KIF1B: variants seen among roughly 807,000 people sequenced by gnomAD.
KIF1B encodes the protein kinesin family member 1B.
Under a neutral mutation model 241.9 loss-of-function variants are expected in KIF1B, and 76 were observed. The observed-to-expected ratio is 0.31, with a 90% CI of 0.26 to 0.38. KIF1B has a LOEUF of 0.38. Ranked by LOEUF, KIF1B falls within the 10% of genes least tolerant of loss-of-function variation. The pLI, the probability that KIF1B is intolerant of heterozygous loss-of-function variation, is 1.00. For missense variants in KIF1B, 1,622 were observed against 2,271.4 expected, an observed-to-expected ratio of 0.71 and a Z score of 5.81; for synonymous variants, 750 against 796.7, an observed-to-expected ratio of 0.94 and a Z score of 0.99.
rs184562782 is a variant in KIF1B at position 10,258,474 on chromosome 1, C to T, written c.184-19C>T. Reference sequence around the variant, plus strand: ...AATATTAATAAAAGGTTATTTATTTCTCCTTTTACTCTTTACAGCCCGAAG... The same window carrying T: ...AATATTAATAAAAGGTTATTTATTTTTCCTTTTACTCTTTACAGCCCGAAG... On this transcript the variant is annotated intron_variant, in intron 3 of 48. Coordinates refer to ENST00000676179, the MANE Select transcript of KIF1B (RefSeq NM_001365951.3). The T allele has an allele frequency of 5.2e-4, 837 of 1,608,156 alleles. 1 individual carries two copies. The highest frequency in any genetic ancestry group is 4.3e-4 in the Non-Finnish European group (511 of 1,174,786).
chr1:10,256,350 C>G, intron 3 of KIF1B, 27 bp downstream of exon 3: 1 of 1,416,718 alleles, frequency 7.1e-7, no homozygotes, highest in South Asian at 1.1e-5. Flanking sequence ...CACAGCACTG[C>G]CAGCTCCTGC....
rs760273189 is a variant in KIF1B, at chr1:10,303,989, A to T, written c.2115+6743A>T. 1.2e-6 allele frequency: 2 copies of T among 1,612,256 alleles called. No individual in the cohort carries two copies. Among genetic ancestry groups the T allele is most frequent in the East Asian group, 4.5e-5 (2 of 44,852 alleles). On this transcript the variant is annotated intron_variant, in intron 22 of 48. Coordinates refer to ENST00000676179, the MANE Select transcript of KIF1B (RefSeq NM_001365951.3). The surrounding 1 kb of genome is among the most constrained non-coding windows in gnomAD (Gnocchi z 5.2). ...ATTCGGTTTAAGAACTTGCAACAGC[A>T]GGAGATAACAAAGCAGCTTCGTCGG...
chr1:10,311,312 T>A (rs906881628), intron 22 of KIF1B, among the ~76,000 whole-genome samples: 1 of 150,680 alleles, frequency 6.6e-6, no homozygotes. Flanking sequence ...CCTTCCGGGT[T>A]CAAGTAATTC....
chr1:10,238,959 G>T (rs1647096309), intron 2 of KIF1B, among the ~76,000 whole-genome samples: 1 of 151,680 alleles, frequency 6.6e-6, no homozygotes, highest in Non-Finnish European at 1.5e-5. Context: ...TTTGTTTTTG[G>T]TTTTTTTGAG....
At chr1:10,243,546 G>A (rs866860181) in intron 2 of KIF1B, among the ~76,000 whole-genome samples, 1 of 152,158 alleles carries the variant, frequency 6.6e-6, no homozygotes, top group African/African-American at 2.4e-5. Flanking sequence ...ATAATTATAT[G>A]GCAGGTACTC....
intron 3 of KIF1B, 130 bp from the exon 4 acceptor site, chr1:10,258,363 G>C (rs181145126): frequency 2.3e-6 from 2 of 867,874 alleles, no homozygotes; most frequent in East Asian, 5.3e-5. Context: ...TGTATAGGAG[G>C]CTTAAAAAAT....
intron 41 of KIF1B, among the ~76,000 whole-genome samples, 172 bp downstream of exon 41, chr1:10,363,516 GC>G (rs1200291784): frequency 6.6e-6 from 1 of 151,990 alleles, no homozygotes; most frequent in African/African-American, 2.4e-5. Flanking sequence ...ACATGGTGAA[GC>G]CCCCCTTTCT....
intron 3 of KIF1B, among the ~76,000 whole-genome samples, chr1:10,257,864 A>G (rs1019697327): frequency 6.6e-6 from 1 of 151,662 alleles, no homozygotes; most frequent in Non-Finnish European, 1.5e-5. Context: ...TTTAGTAGAG[A>G]TGGGGTTTCG....
At chr1:10,259,199 T>G (rs1181659721) in intron 4 of KIF1B, among the ~76,000 whole-genome samples, 1 of 152,068 alleles carries the variant, frequency 6.6e-6, no homozygotes, top group African/African-American at 2.4e-5. Context: ...GTTTGATCCT[T>G]TATTGTTTGG....
At chr1:10,368,107 C>T (rs75541401) in intron 43 of KIF1B, among the ~76,000 whole-genome samples, 3 of 152,054 alleles carry the variant, frequency 2.0e-5, no homozygotes, top group African/African-American at 4.8e-5. Flanking sequence ...CTTTATTAGA[C>T]ATACATAGAA....
chr1:10,365,965 T>C lies in KIF1B; in HGVS notation c.4752+317T>C, dbSNP rs1259398553. Among the ~76,000 whole-genome samples, 1 of 152,152 alleles carries C rather than the reference T, an allele frequency of 6.6e-6. No homozygotes were observed. Among genetic ancestry groups the C allele is most frequent in the African/African-American group, 2.4e-5 (1 of 41,424 alleles). ...CAAAAATTAGGCCAGGCATGGTGGC[T>C]CACACCTGTAATCCCAGCACTTTGC... On this transcript the variant is annotated intron_variant, in intron 43 of 48. Transcript: ENST00000676179. This position sits in a 1 kb window ranked among gnomAD's most constrained non-coding sequence, Gnocchi z 4.0.
rs753016667 is a variant in KIF1B, at chr1:10,295,118, A to G, written c.1623A>G (p.Pro541=). 3.2e-5 allele frequency: 51 copies of G among 1,609,132 alleles called. No individual in the cohort carries two copies. The East Asian group carries it at 1.1e-3, about 34-fold the overall frequency. The part of the protein sequence containing the change: ...TPHLVNLNED[P]LMSECLLYYI... ...ATCTTGTTAACCTCAATGAAGACCC[A>G]CTAATGTCTGAGTGCCTACTTTATT... The change falls in exon 18 of 49, where the codon CCA becomes CCG. Residue 541 remains proline, a synonymous_variant. Coordinates refer to ENST00000676179, the MANE Select transcript of KIF1B (RefSeq NM_001365951.3).
At chr1:10,368,169 C>T (rs574132140) in intron 43 of KIF1B, among the ~76,000 whole-genome samples, 5 of 152,188 alleles carry the variant, frequency 3.3e-5, no homozygotes, top group Admixed American at 1.3e-4. Context: ...TGGGCAACAT[C>T]GGAGCTGCAC....
At position 10,337,920 on chromosome 1, in the gene KIF1B, C is replaced by T. The variant is rs550592922; in HGVS notation, c.3422+387C>T. Among the ~76,000 whole-genome samples the T allele has an allele frequency of 5.3e-5, 8 of 152,136 alleles. No homozygotes were observed. The highest frequency in any genetic ancestry group is 3.9e-4 in the East Asian group (2 of 5,174). On this transcript the variant is annotated intron_variant, in intron 31 of 48. Coordinates refer to ENST00000676179, the MANE Select transcript of KIF1B (RefSeq NM_001365951.3). The surrounding 1 kb of genome is among the most constrained non-coding windows in gnomAD (Gnocchi z 4.0). ...CTAGCAATTACGCCTATTTAATACTCGGGAAAAGGAAAATTTAAACAATGT... is the reference window on the plus strand; with the variant it reads ...CTAGCAATTACGCCTATTTAATACTTGGGAAAAGGAAAATTTAAACAATGT...
chr1:10,289,047 T>C (rs1255850253), intron 15 of KIF1B, among the ~76,000 whole-genome samples: 2 of 152,236 alleles, frequency 1.3e-5, no homozygotes, highest in Non-Finnish European at 2.9e-5. Flanking sequence ...TATAACACTT[T>C]TCCTTGTTAA....
In KIF1B at chr1:10,378,446, C is replaced by T; in HGVS notation, c.*1859C>T. 1 of 717,790 alleles carries T rather than the reference C, an allele frequency of 1.4e-6. No individual in the cohort carries two copies. Among genetic ancestry groups the T allele is most frequent in the East Asian group, 2.7e-5 (1 of 37,290 alleles). 44.5% of individuals were successfully genotyped at this position (717,790 alleles called of 1,614,324 possible). A position where few individuals can be genotyped will look rare whatever the true frequency, so the allele number is the denominator to read the frequency against. ...GGAAAAAGAAAGCCTCCAGTGACTT[C>T]AGTTGCTTTGCCAGTTGTCTTGGGA... is the stretch of plus-strand genomic sequence containing the variant. On this transcript the variant is annotated 3_prime_UTR_variant, in exon 49 of 49. Transcript: ENST00000676179.
intron 22 of KIF1B, among the ~76,000 whole-genome samples, chr1:10,309,036 CTTTA>C (rs1557705238): frequency 1.3e-5 from 2 of 152,104 alleles, no homozygotes; most frequent in African/African-American, 4.8e-5. Context: ...TTTCTTTCTC[CTTTA>C]ACCTCTGCTT....
intron 2 of KIF1B, among the ~76,000 whole-genome samples, chr1:10,237,756 C>T (rs1328637999): frequency 6.6e-6 from 1 of 152,136 alleles, no homozygotes; most frequent in East Asian, 1.9e-4. Flanking sequence ...CCTGTAATCC[C>T]AGTACTTTGG....
chr1:10,262,880 C>A (rs978245888), intron 5 of KIF1B, among the ~76,000 whole-genome samples: 3 of 152,070 alleles, frequency 2.0e-5, no homozygotes, highest in African/African-American at 7.2e-5. Context: ...TTTTTAATTG[C>A]TTATAAAAAC....
Sources: allele counts gnomAD v4.1 joint callset (sites outside exome capture counted in the v4.1 genomes callset), GRCh38; gene constraint gnomAD v4.1.1; non-coding constraint Gnocchi (gnomAD v3.1); transcripts MANE v1.5; gene names NCBI Gene and HGNC (gene_info 2026-07-23, HGNC 2026-07-21).